The following NDOR1 variants were observed in gnomAD, a reference collection of about 807,000 sequenced individuals.
NDOR1 encodes the protein NADPH dependent diflavin oxidoreductase 1.
A neutral mutation model predicts 67.2 loss-of-function variants in NDOR1; 61 were observed. The observed-to-expected ratio is 0.91, with a 90% CI of 0.74 to 1.12. NDOR1 has a LOEUF of 1.12. NDOR1 is among the 50% of genes most tolerant of loss of function. NDOR1 has a pLI of 0.00. For synonymous variants in NDOR1, 378 were observed against 343.7 expected (o/e 1.10, Z -1.10); for missense variants, 878 against 802.8 (o/e 1.09, Z -1.13).
chr9:137,213,152 C>T (rs900550038), intron 3 of NDOR1, among the ~76,000 whole-genome samples: 9 of 151,874 alleles, frequency 5.9e-5, no homozygotes, highest in Non-Finnish European at 1.0e-4. Context: ...TGAAAAAGAA[C>T]GGGAAGATCG....
chr9:137,216,471 G>A lies in NDOR1; in HGVS notation c.*55G>A. 6.4e-7 allele frequency: 1 copy of A among 1,563,058 alleles called. No homozygotes were observed. Among genetic ancestry groups the A allele is most frequent in the South Asian group, 1.1e-5 (1 of 87,664 alleles). ...AGCCATCCTCCTGGGAGCCCAGGAAGGCATCCACGAGGGAGCTCCTGGCCA... is the reference window on the plus strand; with the variant it reads ...AGCCATCCTCCTGGGAGCCCAGGAAAGCATCCACGAGGGAGCTCCTGGCCA... On this transcript the variant is annotated 3_prime_UTR_variant, in exon 14 of 14. Coordinates refer to ENST00000684003, the MANE Select transcript of NDOR1 (RefSeq NM_014434.4).
intron 1 of NDOR1, 87 bp from the exon 2 acceptor site, chr9:137,206,145 T>C: frequency 6.5e-7 from 1 of 1,541,912 alleles, no homozygotes; most frequent in Non-Finnish European, 9.0e-7. Context: ...CCTGTCAGCC[T>C]GAGTAAAGGA....
chr9:137,207,463 A>G (rs533439163), intron 2 of NDOR1, among the ~76,000 whole-genome samples: 1 of 152,144 alleles, frequency 6.6e-6, no homozygotes, highest in Admixed American at 6.5e-5. Context: ...CAGTAGGACT[A>G]GCGCTCCAAG....
At chr9:137,210,291 A>G (rs1322986798) in intron 2 of NDOR1, among the ~76,000 whole-genome samples, 4 of 152,156 alleles carry the variant, frequency 2.6e-5, no homozygotes, top group South Asian at 2.1e-4. Context: ...GCAGCCATCA[A>G]CGGCTCACTG....
chr9:137,216,294 G>T lies in NDOR1; in HGVS notation c.1672G>T (p.Asp558Tyr), dbSNP rs140883906. Residue 558 changes from aspartate (D) to tyrosine (Y), a missense_variant, in exon 14 of 14, where the codon GAC (aspartate) becomes TAC (tyrosine). Transcript: ENST00000684003. ...LAGNAKSMPA[D>Y]VSEALMSIFQ... ...TAGCAACGCCAAGTCCATGCCAGCGGACGTCTCGGAAGCCCTGATGTCCAT... is the reference window on the plus strand; with the variant it reads ...TAGCAACGCCAAGTCCATGCCAGCGTACGTCTCGGAAGCCCTGATGTCCAT... 5,850 of 1,612,710 alleles carry T rather than the reference G, an allele frequency of 3.6e-3. 19 individuals carry two copies. The highest frequency in any genetic ancestry group is 4.3e-3 in the Non-Finnish European group (5,133 of 1,180,000).
At chr9:137,215,070 C>T (rs781504520) in intron 8 of NDOR1, 25 bp from the exon 9 acceptor site, 11 of 1,613,280 alleles carry the variant, frequency 6.8e-6, no homozygotes, top group Non-Finnish European at 9.3e-6. Context: ...CACGCTGCAG[C>T]CACCCTGAGA....
intron 2 of NDOR1, among the ~76,000 whole-genome samples, chr9:137,209,329 G>A (rs1469846766): frequency 6.6e-6 from 1 of 152,176 alleles, no homozygotes; most frequent in Non-Finnish European, 1.5e-5. Flanking sequence ...AAGAGAAGGG[G>A]TTTCAGAGTG....
In NDOR1 at chr9:137,206,356, C is replaced by T. The variant is rs560715423; in HGVS notation, c.213+47C>T. ...TCCTCAGATCCCTGCCCTCGACCCT[C>T]ACCCCGTTTTCATTGCCTGGCGTCT... On this transcript the variant is annotated intron_variant, in intron 2 of 13. Coordinates refer to ENST00000684003, the MANE Select transcript of NDOR1 (RefSeq NM_014434.4). 15 of 1,590,898 alleles carry T rather than the reference C, an allele frequency of 9.4e-6. 1 individual carries two copies. The South Asian group carries it at 1.4e-4, about 15-fold the overall frequency.
At position 137,218,869 on chromosome 9, in the gene NDOR1, G is replaced by A. The variant is rs1835757940; in HGVS notation, c.*2453G>A. The stretch of plus-strand genomic sequence containing the variant: ...CAGCGCCCAAGGACAGCTCCTGGAG[G>A]AGGCCAGCCCAGCAGGAAAGTCTGT... On this transcript the variant is annotated 3_prime_UTR_variant, in exon 14 of 14. Transcript: ENST00000684003. The A allele has an allele frequency of 1.1e-5, 4 of 379,554 alleles. No individual in the cohort carries two copies. Among genetic ancestry groups the A allele is most frequent in the Non-Finnish European group, 1.9e-5 (4 of 214,380 alleles). 23.5% of individuals were successfully genotyped at this position (379,554 alleles called of 1,614,324 possible).
chr9:137,213,768 C>G lies in NDOR1; in HGVS notation c.312-12C>G. 1 of 1,611,922 alleles carries G rather than the reference C, an allele frequency of 6.2e-7. No homozygotes were observed. Among genetic ancestry groups the G allele is most frequent in the Non-Finnish European group, 8.5e-7 (1 of 1,179,330 alleles). On this transcript the variant is annotated splice_polypyrimidine_tract_variant and intron_variant, in intron 3 of 13. Transcript: ENST00000684003. ...GGGCTCCAGCCCAGGACCAGCCTCA[C>G]TGTCTCCACAGGTTCAACTTCGTGG...
intron 2 of NDOR1, among the ~76,000 whole-genome samples, chr9:137,209,672 C>A (rs1008652284): frequency 6.6e-6 from 1 of 152,224 alleles, no homozygotes; most frequent in Non-Finnish European, 1.5e-5. Flanking sequence ...CACAGCGAAA[C>A]AGGAAGACCC....
intron 9 of NDOR1, 28 bp from the exon 10 acceptor site, chr9:137,215,379 A>ACCCC: frequency 3.3e-5 from 49 of 1,499,228 alleles, no homozygotes; most frequent in Non-Finnish European, 3.9e-5. Context: ...GCCTTGTTCC[A>ACCCC]CCACCCCCAC....
In NDOR1 at chr9:137,217,174, G is replaced by T. The variant is rs906960946; in HGVS notation, c.*758G>T. Among the ~76,000 whole-genome samples, 7 of 152,090 alleles carry T rather than the reference G, an allele frequency of 4.6e-5. No individual in the cohort carries two copies. The highest frequency in any genetic ancestry group is 1.4e-4 in the African/African-American group (6 of 41,396). ...CCGGTGCCCTGGGTGCTGGGTGCTG[G>T]ATGGGTGGGCGCCACGGTGCACCCT... On this transcript the variant is annotated 3_prime_UTR_variant, in exon 14 of 14. Coordinates refer to ENST00000684003, the MANE Select transcript of NDOR1 (RefSeq NM_014434.4).
At position 137,218,744 on chromosome 9, in the gene NDOR1, C is replaced by T; in HGVS notation, c.*2328C>T. 2 of 397,314 alleles carry T rather than the reference C, an allele frequency of 5.0e-6. No homozygotes were observed. The highest frequency in any genetic ancestry group is 8.9e-6 in the Non-Finnish European group (2 of 225,676). 24.6% of individuals were successfully genotyped at this position (397,314 alleles called of 1,614,324 possible). A position where few individuals can be genotyped will look rare whatever the true frequency, so the allele number is the denominator to read the frequency against. ...CAGGGCAGTGGCCTTCAATCAAGACCTCCCATTGCTGAACCCACAACCAGG... is the reference window on the plus strand; with the variant it reads ...CAGGGCAGTGGCCTTCAATCAAGACTTCCCATTGCTGAACCCACAACCAGG... On this transcript the variant is annotated 3_prime_UTR_variant, in exon 14 of 14. Coordinates refer to ENST00000684003, the MANE Select transcript of NDOR1 (RefSeq NM_014434.4).
At chr9:137,215,266 G>A (rs1308359734) in intron 9 of NDOR1, 64 bp downstream of exon 9, 60 of 1,566,072 alleles carry the variant, frequency 3.8e-5, no homozygotes, top group Admixed American at 5.2e-5. Flanking sequence ...GGGCTGTGGG[G>A]TTTTGTAAGC....
At position 137,217,535 on chromosome 9, in the gene NDOR1, G is replaced by C. The variant is rs968064599; in HGVS notation, c.*1119G>C. 2 of 157,472 alleles carry C rather than the reference G, an allele frequency of 1.3e-5. No homozygotes were observed. Among genetic ancestry groups the C allele is most frequent in the Admixed American group, 1.3e-4 (2 of 15,404 alleles). The allele number at this position is 157,472 out of a possible 1,614,324, so 9.8% of individuals were successfully genotyped here. A position where few individuals can be genotyped will look rare whatever the true frequency, so the allele number is the denominator to read the frequency against. On this transcript the variant is annotated 3_prime_UTR_variant, in exon 14 of 14. Coordinates refer to ENST00000684003, the MANE Select transcript of NDOR1 (RefSeq NM_014434.4). ...CTTGGAGTCTTGATCTGTCGTCGGC[G>C]GGTCGCTGGCACAGGACTAAACATG... is the stretch of plus-strand genomic sequence containing the variant.
At chr9:137,208,253 T>A (rs1312634776) in intron 2 of NDOR1, among the ~76,000 whole-genome samples, 1 of 147,112 alleles carries the variant, frequency 6.8e-6, no homozygotes, top group Non-Finnish European at 1.5e-5. Context: ...ATCGAGACCA[T>A]CCTGGCTAAC....
chr9:137,212,582 G>A lies in NDOR1; in HGVS notation c.294G>A (p.Gly98=). ...TGGACTTTGCCGTCCTGGGCCTCGGGGACTCCTCATACGCCAAGTGAGTAG... is the reference window on the plus strand; with the variant it reads ...TGGACTTTGCCGTCCTGGGCCTCGGAGACTCCTCATACGCCAAGTGAGTAG... ...CQMDFAVLGL[G]DSSYAKFNFV... Residue 98 remains glycine (G), a synonymous_variant, in exon 3 of 14, where the codon GGG becomes GGA. Transcript: ENST00000684003. The surrounding 1 kb of genome is among the most constrained non-coding windows in gnomAD (Gnocchi z 4.3). 1 of 1,613,944 alleles carries A rather than the reference G, an allele frequency of 6.2e-7. No homozygotes were observed. The highest frequency in any genetic ancestry group is 8.5e-7 in the Non-Finnish European group (1 of 1,179,864).
rs564661953 is a variant in NDOR1 at position 137,205,829 on chromosome 9, C to G, written c.52C>G (p.Gln18Glu). ...VLFGSQTGTA[Q>E]DVSERLGREA... is the part of the protein sequence containing the mutation. ...CTTCGGCAGCCAGACAGGCACGGCT[C>G]AGGATGTGTCGGAGAGACTGGGTCG... Residue 18 changes from glutamine to glutamate, a missense_variant, in exon 1 of 14, where the codon CAG becomes GAG. Gln to Glu is a conservative substitution (Grantham distance 29). Coordinates refer to ENST00000684003, the MANE Select transcript of NDOR1 (RefSeq NM_014434.4). The G allele has an allele frequency of 3.1e-6, 5 of 1,605,496 alleles. No homozygotes were observed. In the South Asian group the frequency reaches 5.5e-5, roughly 18 times the overall value.
Sources: gnomAD v4.1 joint callset for allele counts (sites outside exome capture counted in the v4.1 genomes callset) on GRCh38, gnomAD v4.1.1 for gene constraint, Gnocchi (gnomAD v3.1) non-coding constraint, MANE v1.5 for transcripts, NCBI Gene and HGNC (gene_info 2026-07-23, HGNC 2026-07-21) for gene names.